The following DCAF11 variants were observed in gnomAD, a reference collection of about 807,000 sequenced individuals.
The protein encoded by DCAF11 is DDB1 and CUL4 associated factor 11.
Under a neutral mutation model 76.1 loss-of-function variants are expected in DCAF11, and 44 were observed. The observed-to-expected ratio is 0.58, with a 90% confidence interval of 0.45 to 0.74. DCAF11 has a LOEUF of 0.74. Among genes scored for constraint, DCAF11 ranks in the 30% least tolerant of loss-of-function variants. The pLI, the probability that DCAF11 is intolerant of heterozygous loss-of-function variation, is 0.00. For missense variants in DCAF11, 604 were observed against 709.4 expected (o/e 0.85, Z 1.69); for synonymous variants, 258 against 255.0 (o/e 1.01, Z -0.11).
intron 12 of DCAF11, 136 bp downstream of exon 12, chr14:24,121,127 A>T: frequency 7.4e-7 from 1 of 1,346,072 alleles, no homozygotes; most frequent in Non-Finnish European, 1.0e-6. Flanking sequence ...GGTTCCTAGG[A>T]TTGGGGCCTG....
chr14:24,122,510 AAAG>A (rs1007130876), intron 13 of DCAF11, among the ~76,000 whole-genome samples: 13 of 150,566 alleles, frequency 8.6e-5, no homozygotes, highest in African/African-American at 2.7e-4. Flanking sequence ...AAAAAAAGAA[AAAG>A]AAAAAAAAAA....
chr14:24,118,943 A>G, intron 8 of DCAF11, 139 bp downstream of exon 8: 1 of 1,172,310 alleles, frequency 8.5e-7, no homozygotes, highest in South Asian at 1.3e-5. Flanking sequence ...GGAGGGAAGC[A>G]CCATCTTGTC....
chr14:24,115,675 G>A lies in DCAF11; in HGVS notation c.81G>A (p.Leu27=), dbSNP rs2037536211. 1 of 1,613,682 alleles carries A rather than the reference G, an allele frequency of 6.2e-7. No homozygotes were observed. The highest frequency in any genetic ancestry group is 1.1e-5 in the South Asian group (1 of 91,072). ...GCTTGCCCCGAAGAGGGGCTGGCCT[G>A]CGTCGGAGTGAGGAAGAGGAAGAAG... is the stretch of plus-strand genomic sequence containing the variant. ...SEGLPRRGAG[L]RRSEEEEEED... Residue 27 remains leucine, a synonymous_variant, in exon 2 of 15, where the codon CTG becomes CTA. Transcript: ENST00000446197.
Position 24,115,118 on chromosome 14 carries a change from G to T in DCAF11, c.-389G>T. ...TTGTAAGGGGGCGCTCTGATTGGTCGATAAGGTGGGGGCGTCGAGGGTCTT... is the reference window on the plus strand; with the variant it reads ...TTGTAAGGGGGCGCTCTGATTGGTCTATAAGGTGGGGGCGTCGAGGGTCTT... On this transcript the variant is annotated 5_prime_UTR_variant, in exon 1 of 15. Coordinates refer to ENST00000446197, the MANE Select transcript of DCAF11 (RefSeq NM_025230.5). 4.5e-6 allele frequency: 3 copies of T among 663,904 alleles called. No homozygotes were observed. The highest frequency in any genetic ancestry group is 5.6e-6 in the Non-Finnish European group (3 of 535,576). The allele number at this position is 663,904 out of a possible 1,614,324, so 41.1% of individuals were successfully genotyped here.
At chr14:24,118,970 A>G (rs2037637549) in intron 8 of DCAF11, 166 bp downstream of exon 8, 1 of 1,118,878 alleles carries the variant, frequency 8.9e-7, no homozygotes, top group Non-Finnish European at 1.3e-6. Context: ...AGGACTGGGT[A>G]AAATAGATGG....
chr14:24,122,946 C>G, intron 13 of DCAF11, 25 bp from the exon 14 acceptor site: 1 of 1,608,216 alleles, frequency 6.2e-7, no homozygotes, highest in Non-Finnish European at 8.5e-7. Flanking sequence ...GGTGGTCCCT[C>G]TCCACTCTTG....
rs1273600400 is a variant in DCAF11, at chr14:24,123,186, C to T, written c.1518C>T (p.Asn506=). The change falls in exon 15 of 15, where the codon AAC becomes AAT. Residue 506 remains asparagine (N), a synonymous_variant. Transcript: ENST00000446197. ...EKIVSSSWDG[N]LRLWQYRQAE... is the part of the protein sequence containing the mutation. The stretch of plus-strand genomic sequence containing the variant: ...CCTCTGCCCTGCAGTGGGACGGGAA[C>T]CTGCGTCTGTGGCAGTACCGCCAGG... The T allele has an allele frequency of 6.2e-7, 1 of 1,610,182 alleles. No individual in the cohort carries two copies. Among genetic ancestry groups the T allele is most frequent in the Admixed American group, 1.7e-5 (1 of 59,848 alleles).
chr14:24,115,567 C>G lies in DCAF11; in HGVS notation c.-28C>G. The stretch of plus-strand genomic sequence containing the variant: ...GGAGGTGACAGGAGGAGCCCCCGCA[C>G]AGGACCTAAGAATGCTGTGACCAGA... On this transcript the variant is annotated 5_prime_UTR_variant, in exon 2 of 15. Transcript: ENST00000446197. 1 of 1,593,022 alleles carries G rather than the reference C, an allele frequency of 6.3e-7. No individual in the cohort carries two copies. Among genetic ancestry groups the G allele is most frequent in the Admixed American group, 1.8e-5 (1 of 56,636 alleles).
chr14:24,116,608 TTAG>T (rs2037574324), intron 2 of DCAF11, among the ~76,000 whole-genome samples: 1 of 152,202 alleles, frequency 6.6e-6, no homozygotes, highest in Admixed American at 6.5e-5. Context: ...GGAGGTCAAC[TTAG>T]TAGGTCATGT....
intron 9 of DCAF11, 48 bp from the exon 10 acceptor site, chr14:24,119,511 T>G (rs1405158237): frequency 2.4e-5 from 39 of 1,609,878 alleles, no homozygotes; most frequent in Non-Finnish European, 3.1e-5. Context: ...ACCACGTTGG[T>G]CCTCTCGATC....
In DCAF11 at chr14:24,115,758, C is replaced by T; in HGVS notation, c.155+9C>T. The T allele has an allele frequency of 6.2e-7, 1 of 1,609,474 alleles. No individual in the cohort carries two copies. The highest frequency in any genetic ancestry group is 8.5e-7 in the Non-Finnish European group (1 of 1,177,554). On this transcript the variant is annotated intron_variant, in intron 2 of 14. Transcript: ENST00000446197. ...GCCTATCTCCTCCGCAGGTAACTTACCCTCTGGTGTGACCCCCAGCAGGTG... is the reference window on the plus strand; with the variant it reads ...GCCTATCTCCTCCGCAGGTAACTTATCCTCTGGTGTGACCCCCAGCAGGTG...
chr14:24,118,438 A>G lies in DCAF11; in HGVS notation c.628A>G (p.Lys210Glu), dbSNP rs775948849. 6.2e-7 allele frequency: 1 copy of G among 1,614,218 alleles called. No homozygotes were observed. The highest frequency in any genetic ancestry group is 1.1e-5 in the South Asian group (1 of 91,084). ...CCGATATGGCCGTTTCCGTAAATTC[A>G]AGAGCATCAAGGCCCGCGACGTAGG... ...DCRYGRFRKFKSIKARDVGWS... is the reference protein window; with the variant it reads ...DCRYGRFRKFESIKARDVGWS... Residue 210 changes from lysine to glutamate, a missense_variant, in exon 7 of 15, where the codon AAG (lysine) becomes GAG (glutamate). Transcript: ENST00000446197.
At position 24,118,035 on chromosome 14, in the gene DCAF11, C is replaced by G. The variant is rs1274832209; in HGVS notation, c.477-20C>G. The G allele has an allele frequency of 6.4e-7, 1 of 1,574,156 alleles. No homozygotes were observed. Among genetic ancestry groups the G allele is most frequent in the African/African-American group, 1.4e-5 (1 of 73,324 alleles). On this transcript the variant is annotated intron_variant, in intron 5 of 14. Transcript: ENST00000446197. ...TTATCCTGAGCACCCCTCACCCTCA[C>G]TTTCTCTCTCCTTCCCTAGCTTCTT...
At position 24,117,420 on chromosome 14, in the gene DCAF11, C is replaced by T; in HGVS notation, c.411+27C>T. The T allele has an allele frequency of 1.2e-6, 2 of 1,612,522 alleles. No homozygotes were observed. Among genetic ancestry groups the T allele is most frequent in the Non-Finnish European group, 1.7e-6 (2 of 1,179,046 alleles). ...TAGGCCTCTCCACCTCCCAGCCTGGCAGCAGGCCTGCCAAAGCAGCCAGAA... is the reference window on the plus strand; with the variant it reads ...TAGGCCTCTCCACCTCCCAGCCTGGTAGCAGGCCTGCCAAAGCAGCCAGAA... On this transcript the variant is annotated intron_variant, in intron 4 of 14. Transcript: ENST00000446197. This position sits in a 1 kb window ranked among gnomAD's most constrained non-coding sequence, Gnocchi z 4.3.
intron 13 of DCAF11, 114 bp downstream of exon 13, chr14:24,121,631 A>G: frequency 8.1e-7 from 1 of 1,231,216 alleles, no homozygotes; most frequent in Non-Finnish European, 1.1e-6. Context: ...TACAGGTAAA[A>G]TCAAACTTAG....
chr14:24,122,882 G>A (rs1435414058), intron 13 of DCAF11, 89 bp from the exon 14 acceptor site: 2 of 1,178,542 alleles, frequency 1.7e-6, no homozygotes, highest in Non-Finnish European at 2.4e-6. Context: ...TTGCCTGAGA[G>A]GCAGGTCAGT....
chr14:24,119,067 T>C, intron 8 of DCAF11, 78 bp from the exon 9 acceptor site: 1 of 1,586,374 alleles, frequency 6.3e-7, no homozygotes, highest in Non-Finnish European at 8.7e-7. Context: ...GGATGTGCCT[T>C]ACAACCGTTG....
rs550039574 is a variant in DCAF11, at chr14:24,120,506, G to A, written c.1093-332G>A. On this transcript the variant is annotated intron_variant, in intron 11 of 14. Transcript: ENST00000446197. ...CGGGAGGCGGAGCTTGCAGTGAGCC[G>A]AGATCACCCCACTACACTCCAGCCT... 1.9e-3 allele frequency among the ~76,000 whole-genome samples: 293 copies of A among 152,118 alleles called. 1 individual carries two copies. Among genetic ancestry groups the A allele is most frequent in the African/African-American group, 6.6e-3 (275 of 41,488 alleles).
At position 24,118,421 on chromosome 14, in the gene DCAF11, G is replaced by A. The variant is rs371332713; in HGVS notation, c.611G>A (p.Gly204Asp). 78 of 1,614,094 alleles carry A rather than the reference G, an allele frequency of 4.8e-5. 1 individual carries two copies. Among genetic ancestry groups the A allele is most frequent in the Non-Finnish European group, 6.3e-5 (74 of 1,180,054 alleles). ...QTIRLYDCRYGRFRKFKSIKA... is the reference protein window; with the variant it reads ...QTIRLYDCRYDRFRKFKSIKA... ...ATCCGACTCTATGACTGCCGATATG[G>A]CCGTTTCCGTAAATTCAAGAGCATC... The change falls in exon 7 of 15, where the codon GGC becomes GAC. Residue 204 changes from glycine (G) to aspartate (D), a missense_variant. Gly to Asp is a moderately conservative substitution (Grantham distance 94, BLOSUM62 -1). Coordinates refer to ENST00000446197, the MANE Select transcript of DCAF11 (RefSeq NM_025230.5).
Sources: allele counts gnomAD v4.1 joint callset (sites outside exome capture counted in the v4.1 genomes callset), GRCh38; gene constraint gnomAD v4.1.1; non-coding constraint Gnocchi (gnomAD v3.1); transcripts MANE v1.5; gene names NCBI Gene and HGNC (gene_info 2026-07-23, HGNC 2026-07-21).